Variants in ASAP1 observed in about 807,000 individuals in gnomAD.
ASAP1 encodes arf-GAP with SH3 domain, ANK repeat and PH domain-containing protein 1.
Under a neutral mutation model 145.2 loss-of-function variants are expected in ASAP1, and 43 were observed. The observed-to-expected ratio is 0.30, with a 90% CI of 0.23 to 0.38. The LOEUF (loss-of-function observed/expected upper bound fraction) is 0.38, where lower values mean the gene tolerates loss of function less well. Among genes scored for constraint, ASAP1 ranks in the 10% least tolerant of loss-of-function variants. ASAP1 has a pLI of 1.00. For missense variants in ASAP1, 1,018 were observed against 1,355.3 expected, an observed-to-expected ratio of 0.75 and a Z score of 3.91; for synonymous variants, 546 against 515.5, an observed-to-expected ratio of 1.06 and a Z score of -0.80.
chr8:130,308,964 T>G (rs1038229885), intron 3 of ASAP1, among the ~76,000 whole-genome samples: 1 of 151,982 alleles, frequency 6.6e-6, no homozygotes, highest in Non-Finnish European at 1.5e-5. Context: ...TCACGGGCAG[T>G]TGAGGGAAAG....
intron 24 of ASAP1, 105 bp downstream of exon 24, chr8:130,111,989 T>C (rs2097547652): frequency 1.8e-6 from 2 of 1,103,084 alleles, no homozygotes; most frequent in African/African-American, 1.6e-5. Flanking sequence ...GCCACTCAAA[T>C]GTACCTTGCA....
intron 3 of ASAP1, among the ~76,000 whole-genome samples, chr8:130,239,561 A>G (rs1223811664): frequency 6.6e-6 from 1 of 152,128 alleles, no homozygotes; most frequent in Non-Finnish European, 1.5e-5. Flanking sequence ...CAGTCTCATC[A>G]TATGGGGGAG....
At chr8:130,125,403 T>G (rs952260084) in intron 17 of ASAP1, among the ~76,000 whole-genome samples, 3 of 152,182 alleles carry the variant, frequency 2.0e-5, no homozygotes, top group African/African-American at 7.2e-5. Context: ...AGTTTAAGTG[T>G]ACATAACCCC....
In ASAP1 at chr8:130,070,130, G is replaced by A. The variant is rs548378443; in HGVS notation, c.2701+6218C>T. ...CGGCTCACTGCAAGCTCCGCCTCCCGGGTTCACGCCATTCTCCTGCCTCAG... is the reference window on the plus strand; with the variant it reads ...CGGCTCACTGCAAGCTCCGCCTCCCAGGTTCACGCCATTCTCCTGCCTCAG... On this transcript the variant is annotated intron_variant, in intron 27 of 29. Coordinates refer to ENST00000518721, the MANE Select transcript of ASAP1 (RefSeq NM_018482.4). Among the ~76,000 whole-genome samples, 30 of 152,030 alleles carry A rather than the reference G, an allele frequency of 2.0e-4. No homozygotes were observed. The South Asian group carries it at 4.6e-3, about 23-fold the overall frequency.
intron 5 of ASAP1, among the ~76,000 whole-genome samples, chr8:130,212,831 C>A (rs1304823589): frequency 6.6e-6 from 1 of 152,158 alleles, no homozygotes; most frequent in Non-Finnish European, 1.5e-5. Flanking sequence ...GCGTAGCAAA[C>A]CGTAGAGATG....
At position 130,260,853 on chromosome 8, in the gene ASAP1, G is replaced by GA. The variant is rs1301380892; in HGVS notation, c.187-23860dup. Among the ~76,000 whole-genome samples the GA allele has an allele frequency of 7.2e-5, 11 of 152,284 alleles. 1 individual carries two copies. Among genetic ancestry groups the GA allele is most frequent in the African/African-American group, 2.4e-4 (10 of 41,552 alleles). On this transcript the variant is annotated intron_variant, in intron 3 of 29. Coordinates refer to ENST00000518721, the MANE Select transcript of ASAP1 (RefSeq NM_018482.4). ...ACACAGGCACTGAAGATTTTTGGGA[G>GA]AAAGAAGTTTTATATTAAAACAGAC...
At chr8:130,413,885 G>GATTC (rs58479009) in intron 1 of ASAP1, among the ~76,000 whole-genome samples, 4,815 of 151,442 alleles carry the variant, frequency 0.032, 201 homozygotes, top group African/African-American at 0.097. Context: ...TATTTTGCCA[G>GATTC]ATTCATTCAT....
chr8:130,085,023 G>C (rs1055273089), intron 25 of ASAP1, among the ~76,000 whole-genome samples: 1 of 152,196 alleles, frequency 6.6e-6, no homozygotes. Context: ...CACTTTGTCA[G>C]GGATTGGTAG....
chr8:130,408,175 C>G (rs1829115652), intron 1 of ASAP1, among the ~76,000 whole-genome samples: 1 of 152,144 alleles, frequency 6.6e-6, no homozygotes, highest in African/African-American at 2.4e-5. Context: ...CCATAGCAAC[C>G]CCTTATTGTT....
chr8:130,105,212 T>C (rs1416778315), intron 24 of ASAP1, among the ~76,000 whole-genome samples: 1 of 152,042 alleles, frequency 6.6e-6, no homozygotes, highest in Non-Finnish European at 1.5e-5. Flanking sequence ...AAAATAACAA[T>C]CCAACAACAA....
chr8:130,126,888 G>A (rs908220521), intron 16 of ASAP1, among the ~76,000 whole-genome samples: 1 of 152,158 alleles, frequency 6.6e-6, no homozygotes, highest in African/African-American at 2.4e-5. Context: ...TTGCATCCTT[G>A]TTCTGACTCC....
intron 1 of ASAP1, among the ~76,000 whole-genome samples, chr8:130,442,651 GGTAAA>G (rs1356952625): frequency 6.6e-6 from 1 of 152,084 alleles, no homozygotes; most frequent in Non-Finnish European, 1.5e-5. Flanking sequence ...GACGAGTACA[GGTAAA>G]GTTGAGGTCA....
intron 18 of ASAP1, among the ~76,000 whole-genome samples, chr8:130,122,588 T>C (rs1439772186): frequency 6.6e-6 from 1 of 152,196 alleles, no homozygotes; most frequent in Non-Finnish European, 1.5e-5. Context: ...ATGAGGTAGA[T>C]ATATGTTCTG....
At chr8:130,440,096 T>A (rs1203678109) in intron 1 of ASAP1, among the ~76,000 whole-genome samples, 2 of 152,110 alleles carry the variant, frequency 1.3e-5, no homozygotes, top group Non-Finnish European at 2.9e-5. Context: ...ATCAATGCTA[T>A]CTCCAAGATC....
At position 130,076,375 on chromosome 8, in the gene ASAP1, T is replaced by C; in HGVS notation, c.2674A>G (p.Arg892Gly). ...TSSAKTALGP[R>G]VLPKLPQKVA... ...TTCTGAGGTAGTTTAGGAAGAACTCTTGGGCCAAGGGCAGTCTTTGCAGAA... is the reference window on the plus strand; with the variant it reads ...TTCTGAGGTAGTTTAGGAAGAACTCCTGGGCCAAGGGCAGTCTTTGCAGAA... The change falls in exon 27 of 30, where the codon AGA becomes GGA. Residue 892 changes from arginine to glycine, a missense_variant. Transcript: ENST00000518721. The C allele has an allele frequency of 6.2e-7, 1 of 1,612,540 alleles. No individual in the cohort carries two copies. The highest frequency in any genetic ancestry group is 8.5e-7 in the Non-Finnish European group (1 of 1,179,438).
intron 3 of ASAP1, among the ~76,000 whole-genome samples, chr8:130,304,004 C>T (rs1234167016): frequency 6.6e-6 from 1 of 151,906 alleles, no homozygotes; most frequent in Non-Finnish European, 1.5e-5. Flanking sequence ...TAATTATTAA[C>T]TAATGGAAGA....
At chr8:130,136,400 T>C (rs2097594857) in intron 14 of ASAP1, among the ~76,000 whole-genome samples, 1 of 152,174 alleles carries the variant, frequency 6.6e-6, no homozygotes. Context: ...TTGAAGGCAG[T>C]TCTGCTTGGA....
chr8:130,344,410 G>A (rs543593131), intron 3 of ASAP1, among the ~76,000 whole-genome samples: 2 of 151,904 alleles, frequency 1.3e-5, no homozygotes, highest in African/African-American at 4.8e-5. Context: ...TCTTTTAGAA[G>A]TACATACTGA....
intron 25 of ASAP1, chr8:130,083,678 G>T (rs2097486351): frequency 6.6e-6 from 1 of 152,182 alleles, no homozygotes; most frequent in South Asian, 2.1e-4. Context: ...TGACACAAGG[G>T]TATTATTATT....
Sources: gnomAD v4.1 joint callset for allele counts (sites outside exome capture counted in the v4.1 genomes callset) on GRCh38, gnomAD v4.1.1 for gene constraint, MANE v1.5 for transcripts, NCBI Gene and HGNC (gene_info 2026-07-23, HGNC 2026-07-21) for gene names.